MOCOS: variants seen among roughly 807,000 people sequenced by gnomAD.
MOCOS encodes the protein molybdenum cofactor sulfurase.
Under a neutral mutation model 83.6 loss-of-function variants are expected in MOCOS, and 86 were observed. The observed-to-expected ratio is 1.03, with a 90% CI of 0.86 to 1.23. The LOEUF is 1.23. Among genes scored for constraint, MOCOS ranks in the 50% most tolerant of loss-of-function variants. The pLI, the probability that MOCOS is intolerant of heterozygous loss-of-function variation, is 0.00. For missense variants in MOCOS, 1,120 were observed against 1,126.9 expected (o/e 0.99, Z 0.09); for synonymous variants, 445 against 434.7 (o/e 1.02, Z -0.29).
intron 14 of MOCOS, among the ~76,000 whole-genome samples, chr18:36,268,278 G>C (rs2091688170): frequency 6.6e-6 from 1 of 152,188 alleles, no homozygotes; most frequent in African/African-American, 2.4e-5. Context: ...GTGGGACAGA[G>C]ATGTGCCCAG....
intron 9 of MOCOS, among the ~76,000 whole-genome samples, chr18:36,237,465 C>A (rs932852498): frequency 3.3e-5 from 5 of 152,214 alleles, no homozygotes; most frequent in African/African-American, 1.2e-4. Flanking sequence ...ACCAGCCTTG[C>A]ATCCCAGGGA....
chr18:36,266,780 T>G lies in MOCOS; in HGVS notation c.2441T>G (p.Ile814Ser), dbSNP rs1356311638. Residue 814 changes from isoleucine to serine, a missense_variant, in exon 14 of 15, where the codon ATT becomes AGT. Physicochemically the swap from Ile to Ser is moderately radical, Grantham distance 142 (BLOSUM62 -2). Coordinates refer to ENST00000261326, the MANE Select transcript of MOCOS (RefSeq NM_017947.4). ...GGGCCTTGTCACAGATGCCAGATGA[T>G]TTGCATCGACCAGCAAACTGGGCAA... is the stretch of plus-strand genomic sequence containing the variant. Reference protein sequence around the residue: ...VLGPCHRCQMICIDQQTGQRN... With the variant: ...VLGPCHRCQMSCIDQQTGQRN... 6.2e-7 allele frequency: 1 copy of G among 1,613,978 alleles called. No homozygotes were observed. Among genetic ancestry groups the G allele is most frequent in the Non-Finnish European group, 8.5e-7 (1 of 1,180,046 alleles).
At chr18:36,244,509 C>G (rs1189823237) in intron 9 of MOCOS, among the ~76,000 whole-genome samples, 1 of 152,008 alleles carries the variant, frequency 6.6e-6, no homozygotes, top group African/African-American at 2.4e-5. Context: ...TTTCAATTTT[C>G]TTAAATGTAT....
chr18:36,187,519 C>T lies in MOCOS; in HGVS notation c.-21C>T, dbSNP rs925014357. Reference sequence around the variant, plus strand: ...CGCGCACTTCCCGGGCCCGGCCGGCCTGGATGGACTAGCCGGGGCCATGGC... The same window carrying T: ...CGCGCACTTCCCGGGCCCGGCCGGCTTGGATGGACTAGCCGGGGCCATGGC... On this transcript the variant is annotated 5_prime_UTR_variant, in exon 1 of 15. Transcript: ENST00000261326. 8.1e-7 allele frequency: 1 copy of T among 1,230,598 alleles called. No individual in the cohort carries two copies. Among genetic ancestry groups the T allele is most frequent in the African/African-American group, 1.6e-5 (1 of 64,322 alleles). The allele number at this position is 1,230,598 out of a possible 1,614,324, so 76.2% of individuals were successfully genotyped here. A position where few individuals can be genotyped will look rare whatever the true frequency, so the allele number is the denominator to read the frequency against.
chr18:36,255,991 C>G (rs1307243968), intron 11 of MOCOS, among the ~76,000 whole-genome samples: 2 of 148,514 alleles, frequency 1.3e-5, no homozygotes, highest in African/African-American at 5.0e-5. Flanking sequence ...CTCCTGAGTT[C>G]AAGAGATCCT....
At chr18:36,213,298 G>T (rs2091462030) in intron 6 of MOCOS, 68 bp from the exon 7 acceptor site, 2 of 1,222,584 alleles carry the variant, frequency 1.6e-6, no homozygotes, top group African/African-American at 1.5e-5. Context: ...TCCAAATCCT[G>T]ATCTGAATCT....
Position 36,220,042 on chromosome 18 carries a change from C to T in MOCOS, c.1798-13C>T, listed in dbSNP as rs2091490202. 2 of 1,612,384 alleles carry T rather than the reference C, an allele frequency of 1.2e-6. No homozygotes were observed. Among genetic ancestry groups the T allele is most frequent in the Non-Finnish European group, 1.7e-6 (2 of 1,179,996 alleles). On this transcript the variant is annotated splice_polypyrimidine_tract_variant and intron_variant, in intron 8 of 14. Coordinates refer to ENST00000261326, the MANE Select transcript of MOCOS (RefSeq NM_017947.4). ...GGAGCCCTGGCCTGAGACACGTCTACCTTTTTGTTTAGGTGACCAGGTGGC... is the reference window on the plus strand; with the variant it reads ...GGAGCCCTGGCCTGAGACACGTCTATCTTTTTGTTTAGGTGACCAGGTGGC...
rs779227273 is a variant in MOCOS, at chr18:36,200,019, C to A, written c.636C>A (p.Pro212=). Reference sequence around the variant, plus strand: ...GTAACTTTTCTGGAGTCAGATACCCCCTGTCCTGGATAGAAGAGGTCAAGT... The same window carrying A: ...GTAACTTTTCTGGAGTCAGATACCCACTGTCCTGGATAGAAGAGGTCAAGT... ...AQSNFSGVRY[P]LSWIEEVKSG... Residue 212 remains proline (P), a synonymous_variant, in exon 4 of 15, where the codon CCC becomes CCA. Coordinates refer to ENST00000261326, the MANE Select transcript of MOCOS (RefSeq NM_017947.4). 7.4e-6 allele frequency: 12 copies of A among 1,614,232 alleles called. No individual in the cohort carries two copies. The highest frequency in any genetic ancestry group is 8.5e-6 in the Non-Finnish European group (10 of 1,180,044).
At chr18:36,230,431 G>A (rs1052529335) in intron 9 of MOCOS, among the ~76,000 whole-genome samples, 48 of 152,194 alleles carry the variant, frequency 3.2e-4, no homozygotes, top group African/African-American at 1.0e-3. Flanking sequence ...AGTCTTCACC[G>A]ACTGGCCTCA....
At position 36,209,659 on chromosome 18, in the gene MOCOS, G is replaced by A. The variant is rs529211159; in HGVS notation, c.1219-3707G>A. 2.4e-4 allele frequency among the ~76,000 whole-genome samples: 36 copies of A among 151,696 alleles called. 1 individual carries two copies. The South Asian group carries it at 7.3e-3, about 31-fold the overall frequency. On this transcript the variant is annotated intron_variant, in intron 6 of 14. Coordinates refer to ENST00000261326, the MANE Select transcript of MOCOS (RefSeq NM_017947.4). ...CCAGCTCCATTCAAGTTGCTGCAAA[G>A]GCCATTGTTTTGTTTCGTTTTATGG...
intron 14 of MOCOS, among the ~76,000 whole-genome samples, chr18:36,267,672 CTG>C (rs1225565425): frequency 6.6e-6 from 1 of 152,094 alleles, no homozygotes; most frequent in African/African-American, 2.4e-5. Flanking sequence ...TCAATGCAGG[CTG>C]TGTTGTCTGG....
At position 36,268,151 on chromosome 18, in the gene MOCOS, T is replaced by A. The variant is rs2091687610; in HGVS notation, c.2515-382T>A. ...ATTCTTTCTCAAGGAAAATGCAGAG[T>A]TCTGCCACTGTCTTCCCCAAAAGGC... On this transcript the variant is annotated intron_variant, in intron 14 of 14. Coordinates refer to ENST00000261326, the MANE Select transcript of MOCOS (RefSeq NM_017947.4). Among the ~76,000 whole-genome samples, 3 of 152,162 alleles carry A rather than the reference T, an allele frequency of 2.0e-5. No individual in the cohort carries two copies. In the South Asian group the frequency reaches 6.2e-4, roughly 32 times the overall value.
In MOCOS at chr18:36,215,695, C is replaced by T. The variant is rs748484324; in HGVS notation, c.1515C>T (p.Thr505=). 18 of 1,614,054 alleles carry T rather than the reference C, an allele frequency of 1.1e-5. No homozygotes were observed. Among genetic ancestry groups the T allele is most frequent in the East Asian group, 4.5e-5 (2 of 44,890 alleles). Residue 505 remains threonine, a synonymous_variant, in exon 8 of 15, where the codon ACC becomes ACT. Coordinates refer to ENST00000261326, the MANE Select transcript of MOCOS (RefSeq NM_017947.4). The part of the protein sequence containing the change: ...DWPVPQAHAD[T]GETGAPSADS... ...CTGTCCCTCAGGCCCATGCTGACAC[C>T]GGGGAGACTGGAGCCCCATCAGCAG...
chr18:36,229,033 T>G (rs912545940), intron 9 of MOCOS, among the ~76,000 whole-genome samples: 12 of 152,166 alleles, frequency 7.9e-5, no homozygotes, highest in Admixed American at 5.2e-4. Flanking sequence ...TTTTGACATA[T>G]TTTTGTAGCT....
At chr18:36,219,339 A>G (rs962938845) in intron 8 of MOCOS, among the ~76,000 whole-genome samples, 3 of 152,032 alleles carry the variant, frequency 2.0e-5, no homozygotes, top group African/African-American at 7.3e-5. Flanking sequence ...ATATGTCTAT[A>G]CTATTATGAA....
chr18:36,264,401 AAAGAGGT>A (rs1019236598), intron 13 of MOCOS, among the ~76,000 whole-genome samples: 23 of 152,208 alleles, frequency 1.5e-4, no homozygotes, highest in African/African-American at 5.5e-4. Flanking sequence ...TTTTCTAGGC[AAAGAGGT>A]AAGAGGTAAG....
At chr18:36,213,818 A>G (rs2091464931) in intron 7 of MOCOS, among the ~76,000 whole-genome samples, 1 of 152,010 alleles carries the variant, frequency 6.6e-6, no homozygotes, top group African/African-American at 2.4e-5. Context: ...AATCCTAGCT[A>G]CTTGGGAGGC....
chr18:36,215,907 A>G lies in MOCOS; in HGVS notation c.1727A>G (p.Glu576Gly). Residue 576 changes from glutamate to glycine, a missense_variant, in exon 8 of 15, where the codon GAG (glutamate) becomes GGG (glycine). Transcript: ENST00000261326. ...TPSEKAAGVL[E>G]GALGPHVVTN... ...TCAGAGAAAGCTGCAGGAGTCCTGG[A>G]GGGGGCCCTTGGGCCACATGTTGTC... 1 of 1,613,912 alleles carries G rather than the reference A, an allele frequency of 6.2e-7. No homozygotes were observed. The highest frequency in any genetic ancestry group is 1.3e-5 in the African/African-American group (1 of 75,050).
In MOCOS at chr18:36,203,160, A is replaced by G. The variant is rs2091421105; in HGVS notation, c.989A>G (p.His330Arg). 1.2e-6 allele frequency: 2 copies of G among 1,614,160 alleles called. No individual in the cohort carries two copies. Among genetic ancestry groups the G allele is most frequent in the Non-Finnish European group, 8.5e-7 (1 of 1,180,022 alleles). Residue 330 changes from histidine to arginine, a missense_variant, in exon 5 of 15, where the codon CAT (histidine) becomes CGT (arginine). Coordinates refer to ENST00000261326, the MANE Select transcript of MOCOS (RefSeq NM_017947.4). ...TTCCTTGATGTTATCGCGCTAAAACATGGATTTGACACCCTAGAGCGCCTC... is the reference window on the plus strand; with the variant it reads ...TTCCTTGATGTTATCGCGCTAAAACGTGGATTTGACACCCTAGAGCGCCTC... ...ISFLDVIALK[H>R]GFDTLERLTG... is the part of the protein sequence containing the mutation.
Sources: allele counts gnomAD v4.1 joint callset (sites outside exome capture counted in the v4.1 genomes callset), GRCh38; gene constraint gnomAD v4.1.1; transcripts MANE v1.5; gene names NCBI Gene and HGNC (gene_info 2026-07-23, HGNC 2026-07-21).